The following SYNDIG1 variants were observed in gnomAD, a reference collection of about 807,000 sequenced individuals.
SYNDIG1 encodes synapse differentiation inducing 1.
Under a neutral mutation model 19.4 loss-of-function variants are expected in SYNDIG1, and 9 were observed. That is an observed-to-expected ratio of 0.46 (90% CI 0.28 to 0.81). The LOEUF (loss-of-function observed/expected upper bound fraction) is 0.81. Ranked by LOEUF, SYNDIG1 falls within the 30% of genes least tolerant of loss-of-function variation. The pLI, the probability that SYNDIG1 is intolerant of heterozygous loss-of-function variation, is 0.12. For missense variants in SYNDIG1, 311 were observed against 343.3 expected (o/e 0.91, Z 0.74); for synonymous variants, 141 against 145.9 (o/e 0.97, Z 0.24).
chr20:24,665,241 A>G (rs542914153), intron 3 of SYNDIG1, 105 bp from the exon 4 acceptor site: 2 of 1,396,098 alleles, frequency 1.4e-6, no homozygotes, highest in African/African-American at 1.4e-5. Context: ...CCTTCTCTGC[A>G]TCAACAATGC....
intron 1 of SYNDIG1, among the ~76,000 whole-genome samples, chr20:24,501,208 G>A (rs1380644121): frequency 1.3e-5 from 2 of 152,100 alleles, no homozygotes; most frequent in Admixed American, 6.5e-5. Flanking sequence ...CTTTACATAT[G>A]TAGGGTGTGC....
chr20:24,629,312 C>T (rs1419465564), intron 3 of SYNDIG1, among the ~76,000 whole-genome samples: 1 of 152,140 alleles, frequency 6.6e-6, no homozygotes, highest in Non-Finnish European at 1.5e-5. Flanking sequence ...CTTGCTGCTG[C>T]CCTTGGGGAG....
At chr20:24,653,337 G>A (rs2059492165) in intron 3 of SYNDIG1, among the ~76,000 whole-genome samples, 1 of 152,110 alleles carries the variant, frequency 6.6e-6, no homozygotes, top group Admixed American at 6.5e-5. Context: ...GAGGAGGCAG[G>A]GCTGGGAGCT....
chr20:24,585,438 G>A (rs2058401548), intron 3 of SYNDIG1, among the ~76,000 whole-genome samples: 1 of 152,170 alleles, frequency 6.6e-6, no homozygotes, highest in Non-Finnish European at 1.5e-5. Context: ...GCTCATTCCT[G>A]TAAAATAGAT....
At chr20:24,522,106 G>T (rs1389517460) in intron 1 of SYNDIG1, among the ~76,000 whole-genome samples, 1 of 151,900 alleles carries the variant, frequency 6.6e-6, no homozygotes, top group Non-Finnish European at 1.5e-5. Context: ...ATGGAGTCTT[G>T]CTCTGTTTTC....
chr20:24,547,889 C>T lies in SYNDIG1; in HGVS notation c.480+4312C>T, dbSNP rs73902581. On this transcript the variant is annotated intron_variant, in intron 2 of 3. Transcript: ENST00000376862. The stretch of plus-strand genomic sequence containing the variant: ...GCAGAGGCCTGACCACCCTCCTGCC[C>T]TTAGAGATGGTGACCAGATGTTGAA... 9.8e-3 allele frequency among the ~76,000 whole-genome samples: 1,497 copies of T among 152,296 alleles called. 31 individuals are homozygous for T. Among genetic ancestry groups the T allele is most frequent in the African/African-American group, 0.034 (1,421 of 41,558 alleles).
At chr20:24,534,512 C>T (rs557492904) in intron 1 of SYNDIG1, among the ~76,000 whole-genome samples, 49 of 152,348 alleles carry the variant, frequency 3.2e-4, no homozygotes, top group Non-Finnish European at 5.7e-4. Context: ...TTCCCCCAGC[C>T]GGAACAGTGC....
At chr20:24,576,618 C>T (rs767210466) in intron 2 of SYNDIG1, among the ~76,000 whole-genome samples, 4 of 152,178 alleles carry the variant, frequency 2.6e-5, no homozygotes, top group Non-Finnish European at 4.4e-5. Context: ...GAGCACTTGG[C>T]GCTGACGGGA....
intron 1 of SYNDIG1, among the ~76,000 whole-genome samples, chr20:24,484,279 G>A (rs115376007): frequency 1.2e-3 from 178 of 152,238 alleles, no homozygotes; most frequent in African/African-American, 4.2e-3. Context: ...CCAGAAGAGT[G>A]GGGGGCCTGG....
chr20:24,595,803 A>G (rs1399079312), intron 3 of SYNDIG1, among the ~76,000 whole-genome samples: 1 of 151,988 alleles, frequency 6.6e-6, no homozygotes, highest in Non-Finnish European at 1.5e-5. Context: ...ACTCTCTGAG[A>G]GTTTTTTTAA....
intron 1 of SYNDIG1, among the ~76,000 whole-genome samples, chr20:24,478,526 A>G (rs1273970396): frequency 6.6e-6 from 1 of 152,284 alleles, no homozygotes; most frequent in Non-Finnish European, 1.5e-5. Context: ...TCTAAAGTGC[A>G]TTTTTTCTCA....
intron 3 of SYNDIG1, among the ~76,000 whole-genome samples, chr20:24,661,533 GGAGGAAGGAGGGAGGGAGGAAAAAAGA>G (rs1430418433): frequency 2.3e-4 from 8 of 34,774 alleles, no homozygotes; most frequent in East Asian, 1.1e-3. Context: ...GAGGAAAAAA[GGAGGAAGGAGGGAGGGAGGAAAAAAGA>G]GAGGAAGGAG....
At chr20:24,661,209 A>G (rs2059582060) in intron 3 of SYNDIG1, among the ~76,000 whole-genome samples, 1 of 151,814 alleles carries the variant, frequency 6.6e-6, no homozygotes, top group South Asian at 2.1e-4. Flanking sequence ...CCCCGTCACC[A>G]TCCTAGGGTG....
At chr20:24,515,652 A>C (rs2056845761) in intron 1 of SYNDIG1, among the ~76,000 whole-genome samples, 1 of 152,090 alleles carries the variant, frequency 6.6e-6, no homozygotes, top group East Asian at 1.9e-4. Context: ...GACCTCTTCA[A>C]GGAGAACTAC....
At chr20:24,551,807 T>C (rs1449935964) in intron 2 of SYNDIG1, among the ~76,000 whole-genome samples, 6 of 152,228 alleles carry the variant, frequency 3.9e-5, no homozygotes, top group Non-Finnish European at 8.8e-5. Flanking sequence ...TTTCCTATTA[T>C]TTATTCTTAA....
chr20:24,538,240 T>C (rs2057400304), intron 1 of SYNDIG1, among the ~76,000 whole-genome samples: 4 of 152,184 alleles, frequency 2.6e-5, no homozygotes, highest in Admixed American at 2.6e-4. Context: ...TTTCATTCCA[T>C]ACCTATTAAA....
chr20:24,484,236 T>C (rs1389852656), intron 1 of SYNDIG1, among the ~76,000 whole-genome samples: 1 of 152,086 alleles, frequency 6.6e-6, no homozygotes, highest in Non-Finnish European at 1.5e-5. Flanking sequence ...AGCCCCATTC[T>C]CTCAGGCAGG....
rs1399076656 is a variant in SYNDIG1 at position 24,517,279 on chromosome 20, AC to A, written c.-78-25738del. On this transcript the variant is annotated intron_variant, in intron 1 of 3. Transcript: ENST00000376862. ...ACAAACCTGCACATTGTGCACATGT[AC>A]CCTAGAACTTAAAGTATAATAAAAA... Among the ~76,000 whole-genome samples the A allele has an allele frequency of 1.1e-4, 16 of 151,704 alleles. No individual in the cohort carries two copies. The East Asian group carries it at 2.9e-3, about 28-fold the overall frequency.
At position 24,653,837 on chromosome 20, in the gene SYNDIG1, G is replaced by A. The variant is rs116080865; in HGVS notation, c.619-11509G>A. Among the ~76,000 whole-genome samples, 24 of 152,298 alleles carry A rather than the reference G, an allele frequency of 1.6e-4. No homozygotes were observed. In the East Asian group the frequency reaches 4.4e-3, roughly 28 times the overall value. ...GGCCGCCTTCTTGCTGCGACTTCACGGGGTCATCCCTCGGTGTGGTCTGTG... is the reference window on the plus strand; with the variant it reads ...GGCCGCCTTCTTGCTGCGACTTCACAGGGTCATCCCTCGGTGTGGTCTGTG... On this transcript the variant is annotated intron_variant, in intron 3 of 3. Coordinates refer to ENST00000376862, the MANE Select transcript of SYNDIG1 (RefSeq NM_024893.3).
Sources: gnomAD v4.1 joint callset for allele counts (sites outside exome capture counted in the v4.1 genomes callset) on GRCh38, gnomAD v4.1.1 for gene constraint, MANE v1.5 for transcripts, NCBI Gene and HGNC (gene_info 2026-07-23, HGNC 2026-07-21) for gene names.